The following IFT74 variants were observed in gnomAD, a reference collection of about 807,000 sequenced individuals.
IFT74 encodes intraflagellar transport 74.
Under a neutral mutation model 96.7 loss-of-function variants are expected in IFT74, and 92 were observed. The observed-to-expected ratio is 0.95, with a 90% CI of 0.80 to 1.13. The LOEUF is 1.13. IFT74 is among the 50% of genes most tolerant of loss of function. IFT74 has a pLI of 0.00. For missense variants in IFT74, 811 were observed against 698.2 expected (o/e 1.16, Z -1.82); for synonymous variants, 223 against 213.2 (o/e 1.05, Z -0.40).
At chr9:27,014,108 G>A (rs1023570003) in intron 10 of IFT74, among the ~76,000 whole-genome samples, 1 of 152,006 alleles carries the variant, frequency 6.6e-6, no homozygotes, top group Non-Finnish European at 1.5e-5. Flanking sequence ...CCAGCTGCTC[G>A]GGAGGCTGAG....
chr9:27,032,937 A>T (rs1004416603), intron 13 of IFT74, among the ~76,000 whole-genome samples: 2 of 152,282 alleles, frequency 1.3e-5, no homozygotes, highest in African/African-American at 4.8e-5. Context: ...TTAATTTTTT[A>T]AAATTGTAAT....
chr9:26,984,421 C>T (rs1827541608), intron 5 of IFT74, 66 bp downstream of exon 5: 1 of 1,579,664 alleles, frequency 6.3e-7, no homozygotes, highest in South Asian at 1.1e-5. Flanking sequence ...TGTAGCTATC[C>T]ATATTGTTTG....
chr9:26,980,732 T>A, intron 4 of IFT74, 113 bp downstream of exon 4: 5 of 630,510 alleles, frequency 7.9e-6, no homozygotes, highest in Non-Finnish European at 1.4e-5. Flanking sequence ...CTTATTAGGA[T>A]AATTAGGTAT....
upstream of IFT74, among the ~76,000 whole-genome samples, chr9:26,954,104 TA>T (rs1826011301): frequency 2.6e-5 from 4 of 152,168 alleles, no homozygotes. Context: ...AAATTATGGA[TA>T]AAAATGTGTC....
intron 14 of IFT74, 48 bp downstream of exon 14, chr9:27,044,843 T>C (rs1463852813): frequency 6.3e-6 from 7 of 1,110,362 alleles, no homozygotes; most frequent in Non-Finnish European, 9.1e-6. Flanking sequence ...TTCAGATTGC[T>C]GTTCATTTAT....
chr9:26,953,487 C>T (rs1825994957), upstream of IFT74, among the ~76,000 whole-genome samples: 1 of 152,118 alleles, frequency 6.6e-6, no homozygotes, highest in African/African-American at 2.4e-5. Flanking sequence ...GTTACTGGGT[C>T]AAAGGACATG....
chr9:27,003,966 A>G (rs1056772434), intron 8 of IFT74, among the ~76,000 whole-genome samples: 1 of 152,232 alleles, frequency 6.6e-6, no homozygotes, highest in Non-Finnish European at 1.5e-5. Flanking sequence ...TGAAATTCTT[A>G]CTGATGTCTC....
At chr9:27,027,947 C>A (rs1385508775) in intron 12 of IFT74, among the ~76,000 whole-genome samples, 2 of 152,174 alleles carry the variant, frequency 1.3e-5, no homozygotes, top group Non-Finnish European at 2.9e-5. Flanking sequence ...TTAGTTCTTA[C>A]ATTGAGATCT....
intron 12 of IFT74, among the ~76,000 whole-genome samples, chr9:27,023,268 C>T (rs902136726): frequency 2.0e-5 from 3 of 152,106 alleles, no homozygotes; most frequent in Non-Finnish European, 4.4e-5. Context: ...CAACTTTCCC[C>T]TGTTCAGTAT....
chr9:27,017,536 A>G (rs1587361169), intron 11 of IFT74, among the ~76,000 whole-genome samples: 3 of 152,316 alleles, frequency 2.0e-5, no homozygotes, highest in Admixed American at 2.0e-4. Flanking sequence ...AGTATTTCAT[A>G]GTAACTTAGG....
At position 27,025,532 on chromosome 9, in the gene IFT74, A is replaced by G. The variant is rs751544502; in HGVS notation, c.975-3493A>G. Among the ~76,000 whole-genome samples the G allele has an allele frequency of 1.1e-4, 16 of 152,168 alleles. No homozygotes were observed. The East Asian group carries it at 2.7e-3, about 26-fold the overall frequency. ...ATCACAAAAAGATCATCACTTAGGC[A>G]TAGTCATAAGATTATCTAAAGTCAA... On this transcript the variant is annotated intron_variant, in intron 12 of 19. Transcript: ENST00000380062.
At chr9:27,060,218 T>C (rs2131713123) in intron 18 of IFT74, among the ~76,000 whole-genome samples, 1 of 152,332 alleles carries the variant, frequency 6.6e-6, no homozygotes, top group Non-Finnish European at 1.5e-5. Context: ...TGTTTGAATA[T>C]GTATTATATT....
chr9:27,051,871 T>C (rs777651386), intron 16 of IFT74, among the ~76,000 whole-genome samples: 6 of 152,188 alleles, frequency 3.9e-5, no homozygotes, highest in Non-Finnish European at 5.9e-5. Context: ...GCAGTGAACA[T>C]GGGTGTGTAA....
At chr9:27,023,076 C>T (rs1397968642) in intron 12 of IFT74, among the ~76,000 whole-genome samples, 1 of 152,090 alleles carries the variant, frequency 6.6e-6, no homozygotes, top group African/African-American at 2.4e-5. Flanking sequence ...TTCAGGGTTT[C>T]CTAGTTATAT....
chr9:27,009,984 T>A (rs7038459), intron 9 of IFT74, among the ~76,000 whole-genome samples: 1,934 of 151,250 alleles, frequency 0.013, 37 homozygotes, highest in African/African-American at 0.045. Context: ...TTTTTTTTTT[T>A]AATTTAAAAA....
At chr9:27,034,031 G>A (rs562162106) in intron 13 of IFT74, among the ~76,000 whole-genome samples, 2 of 152,178 alleles carry the variant, frequency 1.3e-5, no homozygotes, top group East Asian at 1.9e-4. Flanking sequence ...AATTTTCTGA[G>A]CATCTATTAA....
chr9:27,024,333 T>C (rs962169386), intron 12 of IFT74, among the ~76,000 whole-genome samples: 4 of 152,154 alleles, frequency 2.6e-5, no homozygotes, highest in African/African-American at 9.7e-5. Context: ...ACAGATCACT[T>C]CGCAGGACTC....
In IFT74 at chr9:27,044,748, T is replaced by C. The variant is rs1219617535; in HGVS notation, c.1061T>C (p.Met354Thr). 6.4e-7 allele frequency: 1 copy of C among 1,566,328 alleles called. No homozygotes were observed. Among genetic ancestry groups the C allele is most frequent in the Admixed American group, 1.8e-5 (1 of 55,456 alleles). The change falls in exon 14 of 20, where the codon ATG becomes ACG. Residue 354 changes from methionine to threonine, a missense_variant. Met to Thr is a moderately conservative substitution (Grantham distance 81). Coordinates refer to ENST00000380062, the MANE Select transcript of IFT74 (RefSeq NM_025103.4). Reference sequence around the variant, plus strand: ...TATTTTATATCTCTCATAGGTGAAATGAACCAGAAATACAAGGAGCTAAAG... The same window carrying C: ...TATTTTATATCTCTCATAGGTGAAACGAACCAGAAATACAAGGAGCTAAAG... Reference protein sequence around the residue: ...DMDLEEHQGEMNQKYKELKKR... With the variant: ...DMDLEEHQGETNQKYKELKKR...
rs544216887 is a variant in IFT74 at position 27,020,196 on chromosome 9, A to G, written c.974+1509A>G. Among the ~76,000 whole-genome samples, 5 of 152,194 alleles carry G rather than the reference A, an allele frequency of 3.3e-5. No homozygotes were observed. The South Asian group carries it at 8.3e-4, about 25-fold the overall frequency. On this transcript the variant is annotated intron_variant, in intron 12 of 19. Transcript: ENST00000380062. Reference sequence around the variant, plus strand: ...GTAAATTAATAAGTAGTCAACAATGACGAAATTGCCTTTTAATGTCTCTCA... The same window carrying G: ...GTAAATTAATAAGTAGTCAACAATGGCGAAATTGCCTTTTAATGTCTCTCA...
Sources: gnomAD v4.1 joint callset for allele counts (sites outside exome capture counted in the v4.1 genomes callset) on GRCh38, gnomAD v4.1.1 for gene constraint, MANE v1.5 for transcripts, NCBI Gene and HGNC (gene_info 2026-07-23, HGNC 2026-07-21) for gene names.